Variants in RHBDD1 observed in about 807,000 individuals in gnomAD.
RHBDD1 encodes rhomboid domain containing 1.
In RHBDD1, 38 loss-of-function variants were observed where a neutral mutation model predicts 36.3. That is an observed-to-expected ratio of 1.05 (90% CI 0.81 to 1.37). RHBDD1 has a LOEUF of 1.37. Among genes scored for constraint, RHBDD1 ranks in the 40% most tolerant of loss-of-function variants. RHBDD1 has a pLI of 0.00. For synonymous variants in RHBDD1, 151 were observed against 136.5 expected (o/e 1.11, Z -0.74); for missense variants, 393 against 377.6 (o/e 1.04, Z -0.34).
At chr2:226,863,638 G>A (rs1944057432) in intron 3 of RHBDD1, among the ~76,000 whole-genome samples, 1 of 152,176 alleles carries the variant, frequency 6.6e-6, no homozygotes, top group African/African-American at 2.4e-5. Flanking sequence ...ACTGGAGTGT[G>A]TGCCTCTCTT....
intron 5 of RHBDD1, among the ~76,000 whole-genome samples, chr2:226,882,612 G>GC (rs1280623951): frequency 6.6e-5 from 10 of 151,020 alleles, no homozygotes; most frequent in South Asian, 2.1e-4. Flanking sequence ...TATGGAAACC[G>GC]CCCCCCGCCC....
rs572257019 is a variant in RHBDD1, at chr2:226,897,470, T to TA, written c.567-9316dup. On this transcript the variant is annotated intron_variant, in intron 5 of 8. Coordinates refer to ENST00000392062, the MANE Select transcript of RHBDD1 (RefSeq NM_001167608.3). ...TGTCTTAGTCCATTTAGTGTTGCTA[T>TA]AAAAAAATACCTGAATCTGGGTAAT... Among the ~76,000 whole-genome samples, 6 of 152,268 alleles carry TA rather than the reference T, an allele frequency of 3.9e-5. No homozygotes were observed. In the South Asian group the frequency reaches 6.2e-4, roughly 16 times the overall value.
intron 8 of RHBDD1, among the ~76,000 whole-genome samples, chr2:226,941,987 A>G (rs1950693009): frequency 6.6e-6 from 1 of 152,184 alleles, no homozygotes; most frequent in Non-Finnish European, 1.5e-5. Flanking sequence ...TGACTTTTTC[A>G]GGGTCACATT....
intron 8 of RHBDD1, among the ~76,000 whole-genome samples, chr2:226,923,369 A>G (rs1949456443): frequency 2.6e-5 from 4 of 151,950 alleles, no homozygotes; most frequent in African/African-American, 9.7e-5. Context: ...TAAGGTTTCC[A>G]CTGAAGTCCG....
intron 8 of RHBDD1, among the ~76,000 whole-genome samples, chr2:226,960,161 A>G (rs1451170905): frequency 1.3e-5 from 2 of 152,152 alleles, no homozygotes; most frequent in Non-Finnish European, 2.9e-5. Context: ...TGTTTTCCAA[A>G]GTGCTGGTTC....
the RHBDD1 span, among the ~76,000 whole-genome samples, chr2:226,802,879 C>T: frequency 6.6e-6 from 1 of 152,200 alleles, no homozygotes; most frequent in Non-Finnish European, 1.5e-5. Context: ...AGGTCTACAA[C>T]TAGCTTTAAA....
Position 226,997,684 on chromosome 2 carries a change from T to C in RHBDD1, c.*2162T>C, listed in dbSNP as rs1959782351. 1 of 152,236 alleles carries C rather than the reference T, an allele frequency of 6.6e-6. No homozygotes were observed. Among genetic ancestry groups the C allele is most frequent in the African/African-American group, 2.4e-5 (1 of 41,466 alleles). The allele number at this position is 152,236 out of a possible 1,614,324, so 9.4% of individuals were successfully genotyped here. On this transcript the variant is annotated 3_prime_UTR_variant, in exon 9 of 9. Transcript: ENST00000392062. ...TAGTACTTCCTTGCTCTGTTTGACT[T>C]GTCAGATACAAAGACACGGGATTAG...
At chr2:226,942,019 A>C (rs1488748539) in intron 8 of RHBDD1, among the ~76,000 whole-genome samples, 2 of 152,216 alleles carry the variant, frequency 1.3e-5, no homozygotes, top group Admixed American at 1.3e-4. Flanking sequence ...ATATCAGATT[A>C]GAGGGCCAGA....
chr2:226,883,964 C>T (rs1374664773), intron 5 of RHBDD1, among the ~76,000 whole-genome samples: 1 of 152,120 alleles, frequency 6.6e-6, no homozygotes, highest in African/African-American at 2.4e-5. Context: ...CATGAAGCCG[C>T]TAAAGCAATG....
chr2:226,950,266 C>T (rs1023440279), intron 8 of RHBDD1, among the ~76,000 whole-genome samples: 3 of 152,234 alleles, frequency 2.0e-5, no homozygotes, highest in Admixed American at 6.5e-5. Flanking sequence ...TTTTAAGATT[C>T]CATATATAAG....
At chr2:226,920,957 G>C (rs542829923) in intron 8 of RHBDD1, among the ~76,000 whole-genome samples, 36 of 152,134 alleles carry the variant, frequency 2.4e-4, no homozygotes, top group Non-Finnish European at 5.0e-4. Flanking sequence ...TTAAATGTTT[G>C]GTAAAATTTA....
chr2:226,930,519 A>G (rs1459046700), intron 8 of RHBDD1, among the ~76,000 whole-genome samples: 1 of 152,076 alleles, frequency 6.6e-6, no homozygotes, highest in African/African-American at 2.4e-5. Flanking sequence ...AAATCTTAAG[A>G]CCTGAAACCA....
chr2:226,917,771 A>G (rs946087017), intron 8 of RHBDD1, among the ~76,000 whole-genome samples: 12 of 152,102 alleles, frequency 7.9e-5, no homozygotes, highest in African/African-American at 2.2e-4. Context: ...TCACAAAAGT[A>G]TGTAGAACTT....
intron 8 of RHBDD1, among the ~76,000 whole-genome samples, chr2:226,972,202 G>A (rs1953658910): frequency 6.6e-6 from 1 of 152,134 alleles, no homozygotes; most frequent in Admixed American, 6.5e-5. Flanking sequence ...TCCTGTGTTA[G>A]TTTGCTGAGA....
Position 226,906,805 on chromosome 2 carries a change from T to C in RHBDD1, c.579T>C (p.Ala193=). 1.9e-6 allele frequency: 3 copies of C among 1,614,118 alleles called. No homozygotes were observed. Among genetic ancestry groups the C allele is most frequent in the Non-Finnish European group, 1.7e-6 (2 of 1,179,984 alleles). ...IHLFSPGTSF[A]GHLAGILVGL... ...CCTTCCCTCCTAGGACTTCCTTCGCTGGGCATCTGGCTGGGATTCTTGTTG... is the reference window on the plus strand; with the variant it reads ...CCTTCCCTCCTAGGACTTCCTTCGCCGGGCATCTGGCTGGGATTCTTGTTG... The change falls in exon 6 of 9, where the codon GCT becomes GCC. Residue 193 remains alanine, a synonymous_variant. Coordinates refer to ENST00000392062, the MANE Select transcript of RHBDD1 (RefSeq NM_001167608.3).
intron 4 of RHBDD1, among the ~76,000 whole-genome samples, chr2:226,865,915 G>T (rs569883775): frequency 6.6e-6 from 1 of 152,168 alleles, no homozygotes; most frequent in African/African-American, 2.4e-5. Flanking sequence ...ACTGTCCTGC[G>T]ATGCCTCTGG....
At chr2:226,993,667 A>T (rs930962854) in intron 8 of RHBDD1, among the ~76,000 whole-genome samples, 6 of 152,198 alleles carry the variant, frequency 3.9e-5, no homozygotes, top group African/African-American at 1.4e-4. Flanking sequence ...TAATTCTCCC[A>T]TGCTCTCAAC....
At chr2:226,859,032 A>G (rs1421187155) in intron 3 of RHBDD1, among the ~76,000 whole-genome samples, 1 of 152,250 alleles carries the variant, frequency 6.6e-6, no homozygotes, top group Non-Finnish European at 1.5e-5. Context: ...TAATATGTAT[A>G]GTGCTATGGG....
At chr2:226,951,035 T>A (rs1473578837) in intron 8 of RHBDD1, among the ~76,000 whole-genome samples, 1 of 152,208 alleles carries the variant, frequency 6.6e-6, no homozygotes, top group African/African-American at 2.4e-5. Flanking sequence ...TCTAAAAAAT[T>A]ATTGCCCAGA....
Sources: allele counts gnomAD v4.1 joint callset (sites outside exome capture counted in the v4.1 genomes callset), GRCh38; gene constraint gnomAD v4.1.1; transcripts MANE v1.5; gene names NCBI Gene and HGNC (gene_info 2026-07-23, HGNC 2026-07-21).